Variants in DNAH11 observed in about 807,000 individuals in gnomAD.
The protein encoded by DNAH11 is dynein axonemal heavy chain 11.
Under a neutral mutation model 526.0 loss-of-function variants are expected in DNAH11, and 442 were observed. The observed-to-expected ratio is 0.84, with a 90% CI of 0.78 to 0.91. The LOEUF (loss-of-function observed/expected upper bound fraction) is 0.91. Ranked by LOEUF, DNAH11 falls within the 40% of genes least tolerant of loss-of-function variation. The pLI is 0.00. For synonymous variants in DNAH11, 2,461 were observed against 1,935.9 expected, an observed-to-expected ratio of 1.27 and a Z score of -7.12; for missense variants, 6,989 against 5,448.7, an observed-to-expected ratio of 1.28 and a Z score of -8.90.
chr7:21,711,121 GCTTTTTTGCCACAGTTA>G lies in DNAH11; in HGVS notation c.6834+419_6834+435del, dbSNP rs546726803. On this transcript the variant is annotated intron_variant, in intron 41 of 81. Coordinates refer to ENST00000409508, the MANE Select transcript of DNAH11 (RefSeq NM_001277115.2). ...GGATTGAGTTAAAATGTTTTCCCAAGCTTTTTTGCCACAGTTAATTCAGCATTCCCAGCAAAAACAAA... is the reference window on the plus strand; with the variant it reads ...GGATTGAGTTAAAATGTTTTCCCAAGATTCAGCATTCCCAGCAAAAACAAA... Among the ~76,000 whole-genome samples, 633 of 152,234 alleles carry G rather than the reference GCTTTTTTGCCACAGTTA, an allele frequency of 4.2e-3. 1 individual carries two copies. Among genetic ancestry groups the G allele is most frequent in the Middle Eastern group, 6.8e-3 (2 of 294 alleles).
chr7:21,867,443 C>T (rs1308189605), intron 71 of DNAH11, among the ~76,000 whole-genome samples: 2 of 152,186 alleles, frequency 1.3e-5, no homozygotes. Context: ...AATTGAGCCT[C>T]CCTGTGTTAG....
At chr7:21,606,783 A>C (rs1041110950) in intron 20 of DNAH11, 50 bp downstream of exon 20, 2 of 1,467,824 alleles carry the variant, frequency 1.4e-6, no homozygotes, top group African/African-American at 2.8e-5. Flanking sequence ...CTACTTTAAA[A>C]AATGTAAGTT....
intron 41 of DNAH11, among the ~76,000 whole-genome samples, chr7:21,711,457 CTT>C (rs1396367091): frequency 2.0e-5 from 3 of 152,138 alleles, no homozygotes; most frequent in Non-Finnish European, 4.4e-5. Context: ...CAATACATGT[CTT>C]ATATTTGGCT....
rs1287436556 is a variant in DNAH11, at chr7:21,720,835, A to G, written c.7245A>G (p.Gly2415=). 1.9e-6 allele frequency: 3 copies of G among 1,612,870 alleles called. No individual in the cohort carries two copies. The part of the protein sequence containing the change: ...YFVFACIWAF[G]GTLLQDQISD... Reference sequence around the variant, plus strand: ...TATTTGCTTGTATCTGGGCTTTTGGAGGCACCCTGCTACAAGATCAGGTAT... The same window carrying G: ...TATTTGCTTGTATCTGGGCTTTTGGGGGCACCCTGCTACAAGATCAGGTAT... The change falls in exon 44 of 82, where the codon GGA becomes GGG. Residue 2415 remains glycine (G), a synonymous_variant. Coordinates refer to ENST00000409508, the MANE Select transcript of DNAH11 (RefSeq NM_001277115.2).
At position 21,601,463 on chromosome 7, in the gene DNAH11, G is replaced by A. The variant is rs1785082981; in HGVS notation, c.3493G>A (p.Asp1165Asn). Reference sequence around the variant, plus strand: ...ACTTCAGAGAGAATTAAATGAAGGTGATCATGATGGTTTAGTTGACATCAT... The same window carrying A: ...ACTTCAGAGAGAATTAAATGAAGGTAATCATGATGGTTTAGTTGACATCAT... ...SGLQRELNEGDHDGLVDIMVH... is the reference protein window; with the variant it reads ...SGLQRELNEGNHDGLVDIMVH... The change falls in exon 18 of 82, where the codon GAT (aspartate) becomes AAT (asparagine). Residue 1165 changes from aspartate (D) to asparagine (N), a missense_variant. Physicochemically the swap from Asp to Asn is conservative, Grantham distance 23 (BLOSUM62 1). Coordinates refer to ENST00000409508, the MANE Select transcript of DNAH11 (RefSeq NM_001277115.2). 5 of 1,613,758 alleles carry A rather than the reference G, an allele frequency of 3.1e-6. No individual in the cohort carries two copies. The highest frequency in any genetic ancestry group is 1.1e-5 in the South Asian group (1 of 91,054).
chr7:21,725,849 G>GA lies in DNAH11; in HGVS notation c.7308dup (p.Glu2437ArgfsTer15). ...AAGCTGACTTCAGTCGGTGGTGGCAGAAAGAGATGAAAGCAGTGAAATTTC... is the reference window on the plus strand; with the variant it reads ...AAGCTGACTTCAGTCGGTGGTGGCAGAAAAGAGATGAAAGCAGTGAAATTTC... On this transcript the variant is annotated frameshift_variant, in exon 45 of 82. Coordinates refer to ENST00000409508, the MANE Select transcript of DNAH11 (RefSeq NM_001277115.2). LOFTEE classifies it high-confidence loss of function. The GA allele has an allele frequency of 6.2e-7, 1 of 1,611,780 alleles. No individual in the cohort carries two copies. Among genetic ancestry groups the GA allele is most frequent in the Non-Finnish European group, 8.5e-7 (1 of 1,178,956 alleles).
At chr7:21,858,138 T>C (rs765100188) in intron 68 of DNAH11, among the ~76,000 whole-genome samples, 21 of 152,138 alleles carry the variant, frequency 1.4e-4, no homozygotes, top group Non-Finnish European at 2.5e-4. Flanking sequence ...TTAAAAATGC[T>C]CATCAGGCAT....
At chr7:21,756,850 A>G (rs1208717952) in intron 54 of DNAH11, among the ~76,000 whole-genome samples, 1 of 152,218 alleles carries the variant, frequency 6.6e-6, no homozygotes, top group Non-Finnish European at 1.5e-5. Flanking sequence ...CTTTATAATA[A>G]TTGACCTCTT....
chr7:21,735,798 A>G lies in DNAH11; in HGVS notation c.7599A>G (p.Val2533=), dbSNP rs1310856433. 2.5e-6 allele frequency: 4 copies of G among 1,613,954 alleles called. No individual in the cohort carries two copies. In the East Asian group the frequency reaches 6.7e-5, roughly 27 times the overall value. Residue 2533 remains valine (V), a synonymous_variant, in exon 46 of 82, where the codon GTA becomes GTG. Coordinates refer to ENST00000409508, the MANE Select transcript of DNAH11 (RefSeq NM_001277115.2). ...TLASLSEDYI[V]SRVPFNYYTT... ...CAAGTCTCTCTGAGGATTACATAGTATCCCGTGTGCCTTTCAACTACTACA... is the reference window on the plus strand; with the variant it reads ...CAAGTCTCTCTGAGGATTACATAGTGTCCCGTGTGCCTTTCAACTACTACA...
chr7:21,607,936 C>CAAAAAAA, intron 20 of DNAH11, among the ~76,000 whole-genome samples: 1 of 68,648 alleles, frequency 1.5e-5, no homozygotes, highest in Non-Finnish European at 2.5e-5. Context: ...GACTTCATCT[C>CAAAAAAA]AAAAAAAAAA....
intron 62 of DNAH11, among the ~76,000 whole-genome samples, chr7:21,802,306 G>T (rs1057146788): frequency 6.6e-6 from 1 of 151,980 alleles, no homozygotes; most frequent in Non-Finnish European, 1.5e-5. Flanking sequence ...TAACCACCAG[G>T]ATGACTATAA....
chr7:21,674,209 T>C (rs915905229), intron 30 of DNAH11, among the ~76,000 whole-genome samples: 2 of 150,796 alleles, frequency 1.3e-5, no homozygotes, highest in African/African-American at 4.9e-5. Flanking sequence ...ATAGGCGTGA[T>C]CATGCCCAGC....
intron 20 of DNAH11, among the ~76,000 whole-genome samples, chr7:21,611,945 A>G (rs1364944889): frequency 6.6e-6 from 1 of 152,178 alleles, no homozygotes; most frequent in Non-Finnish European, 1.5e-5. Flanking sequence ...ACAATGCCAA[A>G]TTTGCTTCTT....
At chr7:21,615,416 G>A in intron 21 of DNAH11, 144 bp downstream of exon 21, 3 of 818,128 alleles carry the variant, frequency 3.7e-6, no homozygotes, top group South Asian at 2.3e-5. Context: ...CCAAATTAGA[G>A]TTCATGTATC....
At chr7:21,717,966 G>A in intron 43 of DNAH11, 41 bp downstream of exon 43, 2 of 1,569,752 alleles carry the variant, frequency 1.3e-6, no homozygotes, top group South Asian at 2.4e-5. Flanking sequence ...TAGTTCTGAT[G>A]CGGTAGTGTT....
At chr7:21,868,476 A>G (rs1783372336) in intron 72 of DNAH11, among the ~76,000 whole-genome samples, 1 of 124,274 alleles carries the variant, frequency 8.0e-6, no homozygotes, top group African/African-American at 3.2e-5. Flanking sequence ...AGGCTTGTGC[A>G]TTTACCCAAT....
intron 30 of DNAH11, among the ~76,000 whole-genome samples, chr7:21,676,307 C>T (rs1463961584): frequency 5.3e-5 from 8 of 152,224 alleles, no homozygotes; most frequent in Middle Eastern, 3.4e-3. Flanking sequence ...AACACTGTTG[C>T]GATCAGTGGC....
intron 35 of DNAH11, among the ~76,000 whole-genome samples, chr7:21,693,592 A>T (rs1417653062): frequency 6.6e-6 from 1 of 152,226 alleles, no homozygotes; most frequent in Non-Finnish European, 1.5e-5. Flanking sequence ...ATTTGGACCT[A>T]GAGATTTTTA....
chr7:21,716,613 T>C (rs931232095), intron 42 of DNAH11, among the ~76,000 whole-genome samples: 10 of 152,300 alleles, frequency 6.6e-5, no homozygotes, highest in African/African-American at 2.4e-4. Flanking sequence ...GATTCCACTT[T>C]CCACTCTGGC....
Sources: gnomAD v4.1 joint callset for allele counts (sites outside exome capture counted in the v4.1 genomes callset) on GRCh38, gnomAD v4.1.1 for gene constraint, MANE v1.5 for transcripts, NCBI Gene and HGNC (gene_info 2026-07-23, HGNC 2026-07-21) for gene names.